Variants in MLIP observed in about 807,000 individuals in gnomAD.
MLIP encodes muscular LMNA interacting protein.
In MLIP, 79 loss-of-function variants were observed where a neutral mutation model predicts 84.8. That is an observed-to-expected ratio of 0.93 (90% CI 0.78 to 1.12). The LOEUF is 1.12. MLIP is among the 50% of genes most tolerant of loss of function. The pLI, the probability that MLIP is intolerant of heterozygous loss-of-function variation, is 0.00. For synonymous variants in MLIP, 504 were observed against 463.0 expected (o/e 1.09, Z -1.14); for missense variants, 1,257 against 1,160.6 (o/e 1.08, Z -1.21).
intron 12 of MLIP, among the ~76,000 whole-genome samples, chr6:54,249,897 G>C (rs945165438): frequency 6.6e-6 from 1 of 151,958 alleles, no homozygotes; most frequent in East Asian, 1.9e-4. Context: ...TCCTTAGCCA[G>C]GTATTAAGCC....
At chr6:54,132,346 T>C (rs917737567) in intron 3 of MLIP, among the ~76,000 whole-genome samples, 1 of 152,166 alleles carries the variant, frequency 6.6e-6, no homozygotes, top group African/African-American at 2.4e-5. Flanking sequence ...ACATAGGTTA[T>C]GGGGAATAAC....
At position 54,069,299 on chromosome 6, in the gene MLIP, A is replaced by G. The variant is rs576589851; in HGVS notation, c.63+50208A>G. Among the ~76,000 whole-genome samples the G allele has an allele frequency of 1.4e-4, 14 of 101,858 alleles. 4 individuals carry two copies. The East Asian group carries it at 3.7e-3, about 27-fold the overall frequency. The allele number at this position is 101,858 out of a possible 152,430, so 66.8% of individuals were successfully genotyped here. ...CAGAGAATGGTATGCTTTTCCTCCC[A>G]ATAAAATGGATTAATCTTTCTCATT... On this transcript the variant is annotated intron_variant, in intron 1 of 12. Transcript: ENST00000274897.
At chr6:54,026,349 C>T (rs566981488) in intron 1 of MLIP, among the ~76,000 whole-genome samples, 19 of 152,140 alleles carry the variant, frequency 1.2e-4, no homozygotes, top group South Asian at 4.2e-4. Flanking sequence ...AAATAGTAAC[C>T]GTGAATCCTG....
At chr6:54,181,412 A>G (rs1447704925) in intron 9 of MLIP, among the ~76,000 whole-genome samples, 1 of 147,436 alleles carries the variant, frequency 6.8e-6, no homozygotes, top group East Asian at 2.0e-4. Context: ...CCCTTCAGGC[A>G]ATGGGCTCCC....
chr6:54,160,588 T>G lies in MLIP; in HGVS notation c.2428T>G (p.Ser810Ala). ...CATIDKVLQD[S>A]LSMHSSDSPS... ...TACCATTGATAAGGTCTTACAGGATTCCTTGTCTATGGTAATGCTTTAGAC... is the reference window on the plus strand; with the variant it reads ...TACCATTGATAAGGTCTTACAGGATGCCTTGTCTATGGTAATGCTTTAGAC... Residue 810 changes from serine (S) to alanine (A), a missense_variant, in exon 7 of 14, where the codon TCC becomes GCC. Physicochemically the swap from Ser to Ala is moderately conservative, Grantham distance 99. Coordinates refer to ENST00000502396, the MANE Select transcript of MLIP (RefSeq NM_001281747.2). 6.2e-7 allele frequency: 1 copy of G among 1,610,428 alleles called. No homozygotes were observed. Among genetic ancestry groups the G allele is most frequent in the Admixed American group, 1.7e-5 (1 of 59,752 alleles).
At chr6:54,136,604 A>C (rs1771816479) in intron 3 of MLIP, 111 bp from the exon 4 acceptor site, 9 of 1,065,638 alleles carry the variant, frequency 8.4e-6, no homozygotes, top group Middle Eastern at 4.6e-4. Flanking sequence ...TGGAGGTTTA[A>C]GATGCCTCCT....
At chr6:54,132,969 G>A (rs933459000) in intron 3 of MLIP, among the ~76,000 whole-genome samples, 6 of 152,120 alleles carry the variant, frequency 3.9e-5, no homozygotes, top group Non-Finnish European at 8.8e-5. Context: ...GCAGTTGCTG[G>A]GATTGGTTTA....
chr6:54,106,007 A>T (rs150572904), intron 1 of MLIP, among the ~76,000 whole-genome samples: 207 of 152,280 alleles, frequency 1.4e-3, no homozygotes, highest in Middle Eastern at 3.4e-3. Flanking sequence ...TTGCTGCTAT[A>T]TGGAAGATAT....
chr6:54,112,188 C>T (rs1476928347), intron 1 of MLIP, among the ~76,000 whole-genome samples: 1 of 152,186 alleles, frequency 6.6e-6, no homozygotes, highest in Non-Finnish European at 1.5e-5. Flanking sequence ...TCTGTTGCTG[C>T]TTTGTGTGGA....
rs1003582959 is a variant in MLIP at position 54,258,592 on chromosome 6, A to T, written c.2976+1231A>T. On this transcript the variant is annotated intron_variant, in intron 13 of 13. Transcript: ENST00000502396. ...GAAAATTGTAGTAATTTACCACATG[A>T]GGAGTGTGTTATAATAATATCTGTC... Among the ~76,000 whole-genome samples the T allele has an allele frequency of 7.2e-4, 110 of 152,034 alleles. 1 individual carries two copies. Among genetic ancestry groups the T allele is most frequent in the Admixed American group, 1.8e-3 (28 of 15,222 alleles).
At chr6:54,145,690 TGCTTGA>T (rs2150510745) in intron 4 of MLIP, among the ~76,000 whole-genome samples, 1 of 152,020 alleles carries the variant, frequency 6.6e-6, no homozygotes, top group Admixed American at 6.6e-5. Flanking sequence ...GTGGAAGAAT[TGCTTGA>T]GCTCAGGAGT....
intron 10 of MLIP, among the ~76,000 whole-genome samples, chr6:54,191,990 T>C (rs1253586709): frequency 6.6e-6 from 1 of 150,772 alleles, no homozygotes; most frequent in Non-Finnish European, 1.5e-5. Context: ...GGCAAATATA[T>C]ATATGTGTAT....
At chr6:54,243,926 G>A (rs1403631635) in intron 12 of MLIP, among the ~76,000 whole-genome samples, 1 of 152,174 alleles carries the variant, frequency 6.6e-6, no homozygotes, top group Non-Finnish European at 1.5e-5. Flanking sequence ...TACTGGCAGA[G>A]CCTGGGCTTA....
At chr6:54,089,644 C>G (rs949992021) in intron 1 of MLIP, among the ~76,000 whole-genome samples, 1 of 151,960 alleles carries the variant, frequency 6.6e-6, no homozygotes, top group Non-Finnish European at 1.5e-5. Flanking sequence ...ATCTCAAAAA[C>G]AAAACAAAAG....
rs75297366 is a variant in MLIP at position 54,112,212 on chromosome 6, T to C, written c.96+637T>C. 8.3e-3 allele frequency among the ~76,000 whole-genome samples: 1,270 copies of C among 152,286 alleles called. 19 individuals carry two copies. Among genetic ancestry groups the C allele is most frequent in the African/African-American group, 0.028 (1,181 of 41,568 alleles). ...GCTTTGTGTGGAAAATGGTTTTTCA[T>C]CACCATAGCAATTCATTCTTAGGCT... On this transcript the variant is annotated intron_variant, in intron 1 of 13. Coordinates refer to ENST00000502396, the MANE Select transcript of MLIP (RefSeq NM_001281747.2).
chr6:54,234,384 G>T (rs943412309), intron 12 of MLIP, among the ~76,000 whole-genome samples: 8 of 152,154 alleles, frequency 5.3e-5, no homozygotes, highest in African/African-American at 1.9e-4. Flanking sequence ...ATAAAAGTTA[G>T]ATCTTATTAT....
At chr6:54,132,444 T>C (rs1006403670) in intron 3 of MLIP, among the ~76,000 whole-genome samples, 9 of 152,200 alleles carry the variant, frequency 5.9e-5, no homozygotes, top group African/African-American at 2.2e-4. Flanking sequence ...GAAAGTTTTT[T>C]TCATTCATCT....
At chr6:54,125,630 A>T (rs997458012) in intron 3 of MLIP, among the ~76,000 whole-genome samples, 1 of 152,216 alleles carries the variant, frequency 6.6e-6, no homozygotes, top group Non-Finnish European at 1.5e-5. Context: ...ATGTAAGGTG[A>T]CTGACGAAGT....
chr6:54,074,580 A>T (rs1766678738), intron 1 of MLIP, among the ~76,000 whole-genome samples: 1 of 152,146 alleles, frequency 6.6e-6, no homozygotes, highest in Non-Finnish European at 1.5e-5. Context: ...ATTTATGCAA[A>T]TTAATAGGTG....
Sources: allele counts gnomAD v4.1 joint callset (sites outside exome capture counted in the v4.1 genomes callset), GRCh38; gene constraint gnomAD v4.1.1; transcripts MANE v1.5; gene names NCBI Gene and HGNC (gene_info 2026-07-23, HGNC 2026-07-21).